Variants in SMOC1 observed in about 807,000 individuals in gnomAD.
SMOC1 encodes the protein SPARC related modular calcium binding 1.
Under a neutral mutation model 56.3 loss-of-function variants are expected in SMOC1, and 22 were observed. The ratio of observed to expected loss-of-function variants is 0.39; its 90% CI spans 0.28 to 0.56. The LOEUF (loss-of-function observed/expected upper bound fraction) is 0.56, where lower values mean the gene tolerates loss of function less well. SMOC1 is among the 20% of genes least tolerant of loss of function. SMOC1 has a pLI of 0.61. For synonymous variants in SMOC1, 193 were observed against 215.0 expected, an observed-to-expected ratio of 0.90 and a Z score of 0.89; for missense variants, 509 against 565.4, an observed-to-expected ratio of 0.90 and a Z score of 1.01.
At chr14:69,903,800 G>C (rs1884331942) in intron 1 of SMOC1, among the ~76,000 whole-genome samples, 1 of 151,620 alleles carries the variant, frequency 6.6e-6, no homozygotes, top group Non-Finnish European at 1.5e-5. Context: ...AGGAAAACCA[G>C]AGACCTTTGT....
chr14:69,965,404 T>TAATAATAATAATAATAATAATA lies in SMOC1; in HGVS notation c.379-10309_379-10308insTAATAATAATAATAATAATAAA, dbSNP rs761154559. Among the ~76,000 whole-genome samples the TAATAATAATAATAATAATAATA allele has an allele frequency of 4.5e-4, 67 of 149,478 alleles. No individual in the cohort carries two copies. In the South Asian group the frequency reaches 0.012, roughly 26 times the overall value. On this transcript the variant is annotated intron_variant, in intron 3 of 11. Transcript: ENST00000361956. The stretch of plus-strand genomic sequence containing the variant: ...ATAATAATAATAATAATAATAATAA[T>TAATAATAATAATAATAATAATA]AAAAAGATGACCAAAGGGATACCTG...
At chr14:69,961,274 A>G (rs112300019) in intron 3 of SMOC1, among the ~76,000 whole-genome samples, 2,335 of 20,970 alleles carry the variant, frequency 0.11, 108 homozygotes, top group African/African-American at 0.26. Flanking sequence ...TCTATTGTGT[A>G]TATATATATA....
chr14:70,010,844 C>T lies in SMOC1; in HGVS notation c.755C>T (p.Ala252Val). The change falls in exon 8 of 12, where the codon GCC becomes GTC. Residue 252 changes from alanine to valine, a missense_variant. By Grantham distance (64) the Ala-to-Val change is moderately conservative. Transcript: ENST00000361956. The stretch of plus-strand genomic sequence containing the variant: ...GAGGGTATTGTCATCCCTGAATGTG[C>T]CCCTGGGGGACTCTATAAGCCAGTG... Reference protein sequence around the residue: ...PREGIVIPECAPGGLYKPVQC... With the variant: ...PREGIVIPECVPGGLYKPVQC... 7 of 1,614,188 alleles carry T rather than the reference C, an allele frequency of 4.3e-6. No individual in the cohort carries two copies. The highest frequency in any genetic ancestry group is 5.9e-6 in the Non-Finnish European group (7 of 1,180,032).
At chr14:69,880,773 G>A (rs748391081) in intron 1 of SMOC1, among the ~76,000 whole-genome samples, 4 of 152,226 alleles carry the variant, frequency 2.6e-5, no homozygotes, top group Non-Finnish European at 5.9e-5. Flanking sequence ...AACAAGGTTG[G>A]CTCAACCAAC....
intron 10 of SMOC1, among the ~76,000 whole-genome samples, chr14:70,018,333 T>C (rs1885592439): frequency 6.6e-6 from 1 of 151,862 alleles, no homozygotes; most frequent in South Asian, 2.1e-4. Flanking sequence ...ACTTGCTACA[T>C]GCAGGGAGTA....
At chr14:69,939,465 T>A (rs1376389776) in intron 1 of SMOC1, among the ~76,000 whole-genome samples, 1 of 152,146 alleles carries the variant, frequency 6.6e-6, no homozygotes, top group Non-Finnish European at 1.5e-5. Flanking sequence ...AAGATGAGAT[T>A]TGGGTGGGGA....
intron 1 of SMOC1, among the ~76,000 whole-genome samples, chr14:69,912,507 C>T (rs931587630): frequency 1.3e-5 from 2 of 152,228 alleles, no homozygotes; most frequent in African/African-American, 4.8e-5. Flanking sequence ...CCGTGTTCAG[C>T]CTCCTAAAGT....
intron 1 of SMOC1, among the ~76,000 whole-genome samples, chr14:69,941,871 C>G (rs1432940722): frequency 6.6e-6 from 1 of 152,192 alleles, no homozygotes; most frequent in Non-Finnish European, 1.5e-5. Flanking sequence ...ATGGCTCCTT[C>G]CCTGAGAAAT....
At chr14:69,966,059 G>T (rs1327199502) in intron 3 of SMOC1, among the ~76,000 whole-genome samples, 1 of 152,056 alleles carries the variant, frequency 6.6e-6, no homozygotes, top group Admixed American at 6.6e-5. Flanking sequence ...ACAAGGAAAG[G>T]CTCCACTCCT....
intron 1 of SMOC1, among the ~76,000 whole-genome samples, chr14:69,948,151 C>A (rs1019186644): frequency 4.6e-5 from 7 of 152,168 alleles, no homozygotes; most frequent in African/African-American, 1.7e-4. Flanking sequence ...AGAGTAATCC[C>A]TTTGGGGCCC....
intron 3 of SMOC1, among the ~76,000 whole-genome samples, chr14:69,972,140 T>C (rs1377544575): frequency 6.6e-6 from 1 of 152,136 alleles, no homozygotes; most frequent in East Asian, 1.9e-4. Flanking sequence ...CGAGGCTTAG[T>C]GTGATTGAAA....
rs762198244 is a variant in SMOC1, at chr14:69,975,774, C to T, written c.438C>T (p.Ile146=). The change falls in exon 4 of 12, where the codon ATC becomes ATT. Residue 146 remains isoleucine (I), a synonymous_variant. Transcript: ENST00000361956. The part of the protein sequence containing the change: ...CWCVTPDGKP[I]SGSSVQNKTP... The stretch of plus-strand genomic sequence containing the variant: ...GTGTCACCCCGGATGGGAAGCCCAT[C>T]AGTGGCTCTTCTGTGCAGAATAAAA... The T allele has an allele frequency of 2.3e-5, 37 of 1,612,764 alleles. No homozygotes were observed. The highest frequency in any genetic ancestry group is 3.1e-5 in the Non-Finnish European group (37 of 1,179,950).
intron 3 of SMOC1, among the ~76,000 whole-genome samples, chr14:69,956,788 T>G (rs1005297897): frequency 6.6e-6 from 1 of 152,192 alleles, no homozygotes; most frequent in African/African-American, 2.4e-5. Flanking sequence ...TGGTTCAGCT[T>G]TCTTCTACAG....
At chr14:69,919,410 C>A (rs995810869) in intron 1 of SMOC1, among the ~76,000 whole-genome samples, 1 of 152,190 alleles carries the variant, frequency 6.6e-6, no homozygotes. Flanking sequence ...CCCACATACA[C>A]CCTGAACCTT....
chr14:70,027,015 G>T (rs1208061885), intron 11 of SMOC1, among the ~76,000 whole-genome samples: 1 of 152,152 alleles, frequency 6.6e-6, no homozygotes, highest in Non-Finnish European at 1.5e-5. Context: ...CAATGGGGTG[G>T]GGTGAAGTGG....
intron 1 of SMOC1, 100 bp from the exon 2 acceptor site, chr14:69,952,038 A>G (rs1883015425): frequency 7.3e-7 from 1 of 1,368,676 alleles, no homozygotes; most frequent in Non-Finnish European, 1.0e-6. Context: ...TTTATTAGGG[A>G]CTTACTTTCT....
chr14:69,886,276 G>T (rs922110619), intron 1 of SMOC1: 2 of 613,718 alleles, frequency 3.3e-6, no homozygotes, highest in Admixed American at 2.9e-5. Context: ...CACCAAGTTG[G>T]CCCTTTAGCA....
intron 10 of SMOC1, among the ~76,000 whole-genome samples, chr14:70,017,296 C>A (rs558872088): frequency 3.3e-5 from 5 of 152,140 alleles, no homozygotes; most frequent in Admixed American, 3.3e-4. Flanking sequence ...GGACTTGGAG[C>A]GCCATGCAGA....
chr14:69,932,326 G>A (rs1178811269), intron 1 of SMOC1, among the ~76,000 whole-genome samples: 2 of 152,190 alleles, frequency 1.3e-5, no homozygotes, highest in South Asian at 2.1e-4. Flanking sequence ...TAGAATGCAC[G>A]ACTATGTTAC....
Sources: gnomAD v4.1 joint callset for allele counts (sites outside exome capture counted in the v4.1 genomes callset) on GRCh38, gnomAD v4.1.1 for gene constraint, MANE v1.5 for transcripts, NCBI Gene and HGNC (gene_info 2026-07-23, HGNC 2026-07-21) for gene names.